CDH23: variants seen among roughly 807,000 people sequenced by gnomAD.
CDH23 encodes cadherin related 23, also known as cadherin-23.
In CDH23, 189 loss-of-function variants were observed where a neutral mutation model predicts 317.1. The ratio of observed to expected loss-of-function variants is 0.60; its 90% CI spans 0.53 to 0.67. The LOEUF is 0.67. CDH23 is among the 30% of genes least tolerant of loss of function. The pLI is 0.00. For synonymous variants in CDH23, 1,839 were observed against 1,876.8 expected, an observed-to-expected ratio of 0.98 and a Z score of 0.52; for missense variants, 4,401 against 4,592.4, an observed-to-expected ratio of 0.96 and a Z score of 1.20.
intron 3 of CDH23, among the ~76,000 whole-genome samples, chr10:71,448,493 T>C (rs1240887693): frequency 1.3e-5 from 2 of 152,118 alleles, no homozygotes; most frequent in African/African-American, 4.8e-5. Flanking sequence ...ATAGCTATGC[T>C]CTTCTCTCTA....
At position 71,809,906 on chromosome 10, in the gene CDH23, C is replaced by G. The variant is rs1427169299; in HGVS notation, c.8809C>G (p.Leu2937Val). 8.7e-6 allele frequency: 14 copies of G among 1,613,322 alleles called. No homozygotes were observed. Among genetic ancestry groups the G allele is most frequent in the Admixed American group, 3.3e-5 (2 of 60,028 alleles). The change falls in exon 61 of 70, where the codon CTG becomes GTG. Residue 2937 changes from leucine (L) to valine (V), a missense_variant. This residue lies in a region of CDH23 where 1,144 missense variants were observed against 1,138.2 expected (regional missense o/e 1.01). Transcript: ENST00000224721. ...CGTGGTGGACATTGTGGCCCGAGAC[C>G]TGGCAGGCCACAACGACACGGCCAT... ...YFVVDIVARD[L>V]AGHNDTAIIG...
chr10:71,676,959 C>T (rs867337632), intron 15 of CDH23, among the ~76,000 whole-genome samples: 1 of 152,146 alleles, frequency 6.6e-6, no homozygotes, highest in Non-Finnish European at 1.5e-5. Context: ...ATTGTCTTGC[C>T]GGACCTTTCT....
intron 32 of CDH23, chr10:71,732,651 AAG>A (rs1839431098): frequency 7.2e-7 from 1 of 1,388,828 alleles, no homozygotes; most frequent in Admixed American, 3.1e-5. Flanking sequence ...AAACAAAAAA[AAG>A]TCCCCGAGAT....
chr10:71,455,658 T>C (rs921018059), intron 3 of CDH23, among the ~76,000 whole-genome samples: 8 of 152,158 alleles, frequency 5.3e-5, no homozygotes, highest in African/African-American at 1.9e-4. Context: ...AAAAAATATA[T>C]ACAGTATGTT....
At chr10:71,605,440 G>A (rs369082901) in intron 9 of CDH23, among the ~76,000 whole-genome samples, 16 of 152,154 alleles carry the variant, frequency 1.1e-4, no homozygotes, top group Non-Finnish European at 2.9e-5. Context: ...GAGGCCAGGG[G>A]TGCTGCTGAA....
chr10:71,480,741 A>G (rs915036317), intron 3 of CDH23, among the ~76,000 whole-genome samples: 6 of 152,192 alleles, frequency 3.9e-5, no homozygotes, highest in African/African-American at 1.4e-4. Context: ...TGGAGGAGCC[A>G]GGATGAGTGT....
chr10:71,583,478 G>A (rs1196871314), intron 9 of CDH23, among the ~76,000 whole-genome samples: 2 of 152,094 alleles, frequency 1.3e-5, no homozygotes, highest in Admixed American at 6.5e-5. Flanking sequence ...TAGGGAAGAG[G>A]TTGGGGTGTC....
At chr10:71,514,610 T>C (rs1854175295) in intron 6 of CDH23, among the ~76,000 whole-genome samples, 1 of 152,152 alleles carries the variant, frequency 6.6e-6, no homozygotes, top group South Asian at 2.1e-4. Context: ...GGTGTGTGTT[T>C]GAGTTTGTTT....
At chr10:71,408,859 ACTTTC>A (rs1458299855) in intron 1 of CDH23, among the ~76,000 whole-genome samples, 1 of 152,104 alleles carries the variant, frequency 6.6e-6, no homozygotes, top group African/African-American at 2.4e-5. Context: ...TTTCCTTCCT[ACTTTC>A]CTTTCAACTG....
chr10:71,704,643 T>C (rs915750675), intron 24 of CDH23, among the ~76,000 whole-genome samples: 2 of 152,178 alleles, frequency 1.3e-5, no homozygotes, highest in Non-Finnish European at 2.9e-5. Context: ...TGTAGAGACC[T>C]GAGCTCTTAT....
rs752606163 is a variant in CDH23 at position 71,793,387 on chromosome 10, T to C, written c.6459T>C (p.Pro2153=). 6.2e-7 allele frequency: 1 copy of C among 1,613,928 alleles called. No homozygotes were observed. Among genetic ancestry groups the C allele is most frequent in the Admixed American group, 1.7e-5 (1 of 60,014 alleles). The part of the protein sequence containing the change: ...TVVATDRGTV[P]LSGTAIVTIL... ...TGGCCACCGACCGGGGCACCGTTCC[T>C]CTCTCGGGCACAGCCATTGTCACCA... is the stretch of plus-strand genomic sequence containing the variant. The change falls in exon 48 of 70, where the codon CCT becomes CCC. Residue 2153 remains proline (P), a synonymous_variant. Coordinates refer to ENST00000224721, the MANE Select transcript of CDH23 (RefSeq NM_022124.6).
chr10:71,736,599 C>A (rs1264126472), intron 34 of CDH23, among the ~76,000 whole-genome samples: 6 of 152,176 alleles, frequency 3.9e-5, no homozygotes, highest in Non-Finnish European at 5.9e-5. Flanking sequence ...GCCTGGGAAC[C>A]TGTCCTCCTT....
Position 71,694,336 on chromosome 10 carries a change from C to T in CDH23, c.2289+77C>T, listed in dbSNP as rs1483224586. 9.7e-6 allele frequency: 11 copies of T among 1,133,554 alleles called. No individual in the cohort carries two copies. The East Asian group carries it at 2.0e-4, about 21-fold the overall frequency. 70.2% of individuals were successfully genotyped at this position (1,133,554 alleles called of 1,614,324 possible). A position where few individuals can be genotyped will look rare whatever the true frequency, so the allele number is the denominator to read the frequency against. ...TGCTCCCTGCTTGTACCTCTGGACC[C>T]CCGTGTCCTGAGCCAGTGTGAGGCT... On this transcript the variant is annotated intron_variant, in intron 21 of 69. Coordinates refer to ENST00000224721, the MANE Select transcript of CDH23 (RefSeq NM_022124.6).
intron 20 of CDH23, among the ~76,000 whole-genome samples, chr10:71,691,156 G>A (rs1017195321): frequency 2.0e-5 from 3 of 152,226 alleles, no homozygotes; most frequent in African/African-American, 7.2e-5. Context: ...CTCAGCCCAT[G>A]TAACTCTCTT....
At chr10:71,499,290 G>A (rs1311799942) in intron 3 of CDH23, among the ~76,000 whole-genome samples, 1 of 152,148 alleles carries the variant, frequency 6.6e-6, no homozygotes, top group Non-Finnish European at 1.5e-5. Context: ...AAAAAATATA[G>A]TTAGCTCACA....
At chr10:71,677,405 C>CA in intron 15 of CDH23, 51 bp from the exon 16 acceptor site, 1 of 1,451,708 alleles carries the variant, frequency 6.9e-7, no homozygotes, top group African/African-American at 1.4e-5. Flanking sequence ...CATCAACAAG[C>CA]CTGTTTTAAA....
At chr10:71,517,371 G>GCTGT (rs1334962200) in intron 6 of CDH23, among the ~76,000 whole-genome samples, 37 of 152,202 alleles carry the variant, frequency 2.4e-4, no homozygotes, top group Non-Finnish European at 4.1e-4. Flanking sequence ...GTGTGCTTTG[G>GCTGT]CATGTGAGGA....
At chr10:71,744,838 T>G (rs1839816864) in intron 38 of CDH23, among the ~76,000 whole-genome samples, 1 of 152,234 alleles carries the variant, frequency 6.6e-6, no homozygotes, top group Non-Finnish European at 1.5e-5. Context: ...CCATGATGCT[T>G]TCTTCCAGAC....
chr10:71,460,664 C>T (rs1372600385), intron 3 of CDH23, among the ~76,000 whole-genome samples: 1 of 152,230 alleles, frequency 6.6e-6, no homozygotes, highest in Non-Finnish European at 1.5e-5. Context: ...GGCCCAGACA[C>T]CCTGCTCGCC....
Sources: allele counts gnomAD v4.1 joint callset (sites outside exome capture counted in the v4.1 genomes callset), GRCh38; gene constraint gnomAD v4.1.1; regional missense constraint gnomAD v4.1.1; transcripts MANE v1.5; gene names NCBI Gene and HGNC (gene_info 2026-07-23, HGNC 2026-07-21).